The following MIPEP variants were observed in gnomAD, a reference collection of about 807,000 sequenced individuals.
MIPEP encodes mitochondrial intermediate peptidase.
Under a neutral mutation model 90.3 loss-of-function variants are expected in MIPEP, and 79 were observed. The observed-to-expected ratio is 0.87, with a 90% CI of 0.73 to 1.05. MIPEP has a LOEUF of 1.05. MIPEP is among the 50% of genes least tolerant of loss of function. MIPEP has a pLI of 0.00. For missense variants in MIPEP, 940 were observed against 905.6 expected (o/e 1.04, Z -0.49); for synonymous variants, 334 against 315.8 (o/e 1.06, Z -0.61).
intron 16 of MIPEP, among the ~76,000 whole-genome samples, chr13:23,764,332 C>T (rs1242874386): frequency 3.3e-5 from 5 of 152,190 alleles, no homozygotes; most frequent in African/African-American, 1.2e-4. Flanking sequence ...TGGTCACTTG[C>T]TTTAGAACTT....
chr13:23,873,770 G>A (rs560962282), intron 5 of MIPEP, among the ~76,000 whole-genome samples: 77 of 152,276 alleles, frequency 5.1e-4, no homozygotes, highest in African/African-American at 1.9e-3. Flanking sequence ...ATTTTACAGA[G>A]AAGTATTAAT....
intron 14 of MIPEP, among the ~76,000 whole-genome samples, chr13:23,822,118 G>A (rs1421372359): frequency 6.6e-6 from 1 of 152,208 alleles, no homozygotes; most frequent in African/African-American, 2.4e-5. Context: ...CAAAAGCAGA[G>A]ATCAAACATC....
At chr13:23,770,089 C>G (rs1441534540) in intron 16 of MIPEP, among the ~76,000 whole-genome samples, 1 of 152,156 alleles carries the variant, frequency 6.6e-6, no homozygotes, top group Admixed American at 6.5e-5. Context: ...GTAAATTACC[C>G]GGTTTCAGGT....
intron 13 of MIPEP, among the ~76,000 whole-genome samples, chr13:23,836,608 C>T (rs574313245): frequency 7.0e-4 from 106 of 152,312 alleles, no homozygotes; most frequent in African/African-American, 2.4e-3. Flanking sequence ...ATGGCTCACA[C>T]CTTTTGCAAA....
chr13:23,782,376 A>C (rs1237748149), intron 16 of MIPEP, among the ~76,000 whole-genome samples: 1 of 152,274 alleles, frequency 6.6e-6, no homozygotes, highest in Non-Finnish European at 1.5e-5. Flanking sequence ...GACAAAATGA[A>C]GGCAGAAATA....
Position 23,869,313 on chromosome 13 carries a change from C to T in MIPEP, c.922G>A (p.Gly308Arg). 6.2e-7 allele frequency: 1 copy of T among 1,604,816 alleles called. No individual in the cohort carries two copies. The highest frequency in any genetic ancestry group is 1.1e-5 in the South Asian group (1 of 88,782). ...YSTFSHRALQ[G>R]TIAKNPETVM... ...TTACCTGGATTTTTAGCTATCGTTC[C>T]TTGGAGAGCCCTGTGAGAAAACGTG... Residue 308 changes from glycine (G) to arginine (R), a missense_variant, in exon 7 of 19, where the codon GGA becomes AGA. Transcript: ENST00000382172.
chr13:23,864,173 G>A lies in MIPEP; in HGVS notation c.960C>T (p.Phe320=), dbSNP rs1418604031. ...IAKNPETVMQ[F]LEKLSDKLSE... Reference sequence around the variant, plus strand: ...AAAGTTTGTCAGATAGTTTTTCAAGGAACTGCATGACAGTCTCTAAAACGA... The same window carrying A: ...AAAGTTTGTCAGATAGTTTTTCAAGAAACTGCATGACAGTCTCTAAAACGA... Residue 320 remains phenylalanine (F), a synonymous_variant, in exon 8 of 19, where the codon TTC becomes TTT. Coordinates refer to ENST00000382172, the MANE Select transcript of MIPEP (RefSeq NM_005932.4). The A allele has an allele frequency of 3.8e-6, 6 of 1,561,978 alleles. No individual in the cohort carries two copies. In the Admixed American group the frequency reaches 5.7e-5, roughly 15 times the overall value.
intron 7 of MIPEP, among the ~76,000 whole-genome samples, chr13:23,865,297 C>A (rs1459665277): frequency 6.6e-6 from 1 of 152,126 alleles, no homozygotes; most frequent in Non-Finnish European, 1.5e-5. Context: ...AAGTTTCCTG[C>A]CCTCTCTTCA....
intron 16 of MIPEP, among the ~76,000 whole-genome samples, chr13:23,761,664 C>T (rs554982184): frequency 2.0e-5 from 3 of 152,194 alleles, no homozygotes; most frequent in African/African-American, 7.2e-5. Context: ...CACGAGCTTG[C>T]GATGGTATAT....
Position 23,869,406 on chromosome 13 carries a change from C to T in MIPEP, c.829G>A (p.Gly277Ser). The part of the protein sequence containing the change: ...AYKIFLYPNA[G>S]QLKCLEELLS... ...AATTCTTCTAAACATTTCAATTGAC[C>T]AGCATTGGGATAAAGAAAAATTTTA... Residue 277 changes from glycine to serine, a missense_variant, in exon 7 of 19, where the codon GGT (glycine) becomes AGT (serine). By Grantham distance (56) the Gly-to-Ser change is moderately conservative. Coordinates refer to ENST00000382172, the MANE Select transcript of MIPEP (RefSeq NM_005932.4). 6.2e-7 allele frequency: 1 copy of T among 1,611,546 alleles called. No individual in the cohort carries two copies. The highest frequency in any genetic ancestry group is 1.1e-5 in the South Asian group (1 of 90,250).
chr13:23,804,650 AATG>A (rs1455292290), intron 16 of MIPEP, among the ~76,000 whole-genome samples: 1 of 152,216 alleles, frequency 6.6e-6, no homozygotes, highest in East Asian at 1.9e-4. Flanking sequence ...ATCGAAAACT[AATG>A]ACAAGAGGTA....
chr13:23,889,388 G>A lies in MIPEP; in HGVS notation c.-68C>T, dbSNP rs1485929128. 1 of 1,224,752 alleles carries A rather than the reference G, an allele frequency of 8.2e-7. No individual in the cohort carries two copies. The allele number at this position is 1,224,752 out of a possible 1,614,324, so 75.9% of individuals were successfully genotyped here. On this transcript the variant is annotated 5_prime_UTR_variant, in exon 1 of 19. Transcript: ENST00000382172. ...CCTGCTGCTTTCGCTGGGAGCGCGC[G>A]CTCCGCGTTTCCAAGGCAGCAGCCC...
intron 14 of MIPEP, among the ~76,000 whole-genome samples, chr13:23,825,501 A>G (rs1030830220): frequency 1.3e-5 from 2 of 152,248 alleles, no homozygotes; most frequent in African/African-American, 4.8e-5. Flanking sequence ...AAGCACTAGA[A>G]TGTTACTGTT....
At chr13:23,792,238 A>G (rs1431511387) in intron 16 of MIPEP, among the ~76,000 whole-genome samples, 2 of 152,228 alleles carry the variant, frequency 1.3e-5, no homozygotes, top group Non-Finnish European at 2.9e-5. Flanking sequence ...GGATGACTCC[A>G]AATGGGTATC....
chr13:23,887,235 A>ATCATTCTCT, intron 1 of MIPEP, among the ~76,000 whole-genome samples: 1 of 152,218 alleles, frequency 6.6e-6, no homozygotes, highest in Non-Finnish European at 1.5e-5. Flanking sequence ...CACTGATCTA[A>ATCATTCTCT]TGGTAATGAC....
At chr13:23,749,001 A>G (rs1952411964) in intron 18 of MIPEP, among the ~76,000 whole-genome samples, 1 of 152,246 alleles carries the variant, frequency 6.6e-6, no homozygotes, top group African/African-American at 2.4e-5. Flanking sequence ...AGTGCTGGGC[A>G]CACCAGCCTT....
intron 3 of MIPEP, among the ~76,000 whole-genome samples, chr13:23,880,042 TACA>T: frequency 6.6e-6 from 1 of 152,172 alleles, no homozygotes; most frequent in Admixed American, 6.6e-5. Context: ...TGGGTCTAGA[TACA>T]ATCTGCACCC....
intron 16 of MIPEP, among the ~76,000 whole-genome samples, chr13:23,772,872 C>G (rs1257054548): frequency 6.6e-6 from 1 of 150,452 alleles, no homozygotes; most frequent in Non-Finnish European, 1.5e-5. Flanking sequence ...AGTGACTCTT[C>G]TTTAAAAAAT....
intron 15 of MIPEP, among the ~76,000 whole-genome samples, chr13:23,807,580 C>T (rs1212161420): frequency 6.6e-6 from 1 of 152,154 alleles, no homozygotes; most frequent in African/African-American, 2.4e-5. Flanking sequence ...ATAAATATTG[C>T]TTTCTTCTAA....
Sources: gnomAD v4.1 joint callset for allele counts (sites outside exome capture counted in the v4.1 genomes callset) on GRCh38, gnomAD v4.1.1 for gene constraint, MANE v1.5 for transcripts, NCBI Gene and HGNC (gene_info 2026-07-23, HGNC 2026-07-21) for gene names.